ANO2: variants seen among roughly 807,000 people sequenced by gnomAD.
ANO2 encodes the protein anoctamin 2.
A neutral mutation model predicts 124.2 loss-of-function variants in ANO2; 101 were observed. That is an observed-to-expected ratio of 0.81 (90% CI 0.69 to 0.96). The LOEUF is 0.96. Ranked by LOEUF, ANO2 falls within the 40% of genes least tolerant of loss-of-function variation. The pLI is 0.00. For missense variants in ANO2, 1,293 were observed against 1,274.5 expected, an observed-to-expected ratio of 1.01 and a Z score of -0.22; for synonymous variants, 486 against 482.5, an observed-to-expected ratio of 1.01 and a Z score of -0.09.
rs914588973 is a variant in ANO2 at position 5,854,275 on chromosome 12, C to T, written c.535-134G>A. 16 of 718,674 alleles carry T rather than the reference C, an allele frequency of 2.2e-5. No individual in the cohort carries two copies. The East Asian group carries it at 2.8e-4, about 13-fold the overall frequency. 44.5% of individuals were successfully genotyped at this position (718,674 alleles called of 1,614,324 possible). ...TCTCGTTTTCGTTCTCTTTAAAATT[C>T]ACCAGGGACCAGTCCCTTCCCACCT... On this transcript the variant is annotated intron_variant, in intron 3 of 24. Transcript: ENST00000682330.
intron 14 of ANO2, among the ~76,000 whole-genome samples, chr12:5,669,083 GAA>G (rs1947869703): frequency 2.6e-5 from 4 of 151,960 alleles, no homozygotes; most frequent in Admixed American, 2.6e-4. Flanking sequence ...ATTCTGTGAA[GAA>G]TTTCAATGGT....
At chr12:5,762,479 T>C (rs1447900596) in intron 10 of ANO2, among the ~76,000 whole-genome samples, 1 of 151,900 alleles carries the variant, frequency 6.6e-6, no homozygotes, top group African/African-American at 2.4e-5. Context: ...GTATATAAAA[T>C]GATAAGAGAA....
chr12:5,575,982 G>T lies in ANO2; in HGVS notation c.2473C>A (p.Pro825Thr). The T allele has an allele frequency of 6.2e-7, 1 of 1,610,944 alleles. No homozygotes were observed. The highest frequency in any genetic ancestry group is 1.1e-5 in the South Asian group (1 of 90,270). The change falls in exon 23 of 25, where the codon CCC becomes ACC. Residue 825 changes from proline to threonine, a missense_variant. Transcript: ENST00000682330. ...TAGGAGTACTGGTACACCAGGCGGG[G>T]GATAAAGTCGGAGGTGATCGCAATG... Reference protein sequence around the residue: ...FVIAITSDFIPRLVYQYSYSH... With the variant: ...FVIAITSDFITRLVYQYSYSH...
At chr12:5,619,612 A>G (rs1945009261) in intron 16 of ANO2, among the ~76,000 whole-genome samples, 1 of 152,064 alleles carries the variant, frequency 6.6e-6, no homozygotes, top group Admixed American at 6.5e-5. Context: ...CCTGGGCCTT[A>G]ATTTTTCCTG....
At chr12:5,716,189 A>G (rs964967339) in intron 14 of ANO2, among the ~76,000 whole-genome samples, 2 of 152,212 alleles carry the variant, frequency 1.3e-5, no homozygotes, top group African/African-American at 4.8e-5. Flanking sequence ...ACTCCAAAAA[A>G]TAAAAGCTAT....
At chr12:5,931,280 A>G (rs1034249478) in intron 1 of ANO2, among the ~76,000 whole-genome samples, 1 of 151,920 alleles carries the variant, frequency 6.6e-6, no homozygotes. Flanking sequence ...TACCCACACC[A>G]TCATGCCAGG....
chr12:5,632,771 T>C (rs1591780662), intron 16 of ANO2, among the ~76,000 whole-genome samples: 1 of 152,172 alleles, frequency 6.6e-6, no homozygotes, highest in Admixed American at 6.5e-5. Flanking sequence ...TCTTTATCAC[T>C]ATCTAGAGCA....
At chr12:5,740,567 CA>C (rs952263840) in intron 12 of ANO2, 2 of 153,038 alleles carry the variant, frequency 1.3e-5, no homozygotes, top group African/African-American at 4.8e-5. Context: ...TAAACAACTA[CA>C]ATACAAGACA....
chr12:5,595,961 G>A (rs1313832620), intron 20 of ANO2, among the ~76,000 whole-genome samples: 1 of 152,192 alleles, frequency 6.6e-6, no homozygotes, highest in Non-Finnish European at 1.5e-5. Context: ...CTCATATATT[G>A]CCCATGCCTG....
chr12:5,907,219 A>G (rs1418830061), intron 3 of ANO2, among the ~76,000 whole-genome samples: 2 of 152,208 alleles, frequency 1.3e-5, no homozygotes, highest in Non-Finnish European at 2.9e-5. Context: ...ATTATTGTCT[A>G]TCTGTTGGCC....
chr12:5,718,008 A>C (rs931559206), intron 14 of ANO2, among the ~76,000 whole-genome samples: 10 of 152,246 alleles, frequency 6.6e-5, no homozygotes, highest in African/African-American at 2.4e-4. Context: ...TAAGGAAACC[A>C]CTAAACACAT....
chr12:5,923,120 A>G lies in ANO2; in HGVS notation c.23-316T>C, dbSNP rs1215356218. Among the ~76,000 whole-genome samples the G allele has an allele frequency of 4.9e-5, 3 of 61,358 alleles. 1 individual carries two copies. The highest frequency in any genetic ancestry group is 2.1e-4 in the Admixed American group (1 of 4,724). 40.3% of individuals were successfully genotyped at this position (61,358 alleles called of 152,430 possible). ...CACACACATACACACACATGCACGC[A>G]CACACACCCACATACACACACATGC... On this transcript the variant is annotated intron_variant, in intron 1 of 24. Transcript: ENST00000682330.
At chr12:5,699,798 G>T (rs535255626) in intron 14 of ANO2, among the ~76,000 whole-genome samples, 5 of 151,870 alleles carry the variant, frequency 3.3e-5, no homozygotes, top group African/African-American at 4.8e-5. Flanking sequence ...TCCTAGTCTC[G>T]GATAAAACAG....
intron 14 of ANO2, among the ~76,000 whole-genome samples, chr12:5,712,022 A>G (rs930416718): frequency 2.6e-5 from 4 of 152,204 alleles, no homozygotes; most frequent in Admixed American, 6.5e-5. Context: ...TATTTCTTAC[A>G]TTTAACCAAA....
chr12:5,684,448 C>A (rs1010275401), intron 14 of ANO2, among the ~76,000 whole-genome samples: 6 of 152,220 alleles, frequency 3.9e-5, no homozygotes, highest in African/African-American at 1.4e-4. Context: ...GGACCTCGGA[C>A]ACTCTGTGGG....
chr12:5,928,365 C>A (rs993609822), intron 1 of ANO2, among the ~76,000 whole-genome samples: 6 of 152,194 alleles, frequency 3.9e-5, no homozygotes, highest in Admixed American at 3.3e-4. Context: ...GACAGAGCAT[C>A]CGCACTCTCC....
chr12:5,712,090 C>A (rs1949839366), intron 14 of ANO2, among the ~76,000 whole-genome samples: 1 of 152,132 alleles, frequency 6.6e-6, no homozygotes, highest in Non-Finnish European at 1.5e-5. Flanking sequence ...CAAGGTCAAA[C>A]AGAAGCTCTC....
At chr12:5,864,091 C>T (rs751920805) in intron 3 of ANO2, among the ~76,000 whole-genome samples, 3 of 152,148 alleles carry the variant, frequency 2.0e-5, no homozygotes, top group Non-Finnish European at 2.9e-5. Flanking sequence ...CAAAAAAACA[C>T]ATGTCCTTGA....
At chr12:5,815,228 C>T (rs1953566597) in intron 7 of ANO2, among the ~76,000 whole-genome samples, 1 of 152,208 alleles carries the variant, frequency 6.6e-6, no homozygotes, top group Non-Finnish European at 1.5e-5. Flanking sequence ...TTTACACTCT[C>T]TTTACCCAAA....
Sources: gnomAD v4.1 joint callset for allele counts (sites outside exome capture counted in the v4.1 genomes callset) on GRCh38, gnomAD v4.1.1 for gene constraint, MANE v1.5 for transcripts, NCBI Gene and HGNC (gene_info 2026-07-23, HGNC 2026-07-21) for gene names.